CRHR1: variants seen among roughly 807,000 people sequenced by gnomAD.
CRHR1 encodes the protein corticotropin-releasing hormone receptor 1.
CRHR1 carries 28 observed loss-of-function variants against 56.0 expected under a neutral mutation model. That is an observed-to-expected ratio of 0.50 (90% CI 0.37 to 0.69). The LOEUF is 0.69. Ranked by LOEUF, CRHR1 falls within the 30% of genes least tolerant of loss-of-function variation. CRHR1 has a pLI of 0.00. For missense variants in CRHR1, 376 were observed against 548.0 expected (o/e 0.69, Z 3.13); for synonymous variants, 195 against 216.5 (o/e 0.90, Z 0.87).
intron 3 of CRHR1, among the ~76,000 whole-genome samples, chr17:45,820,113 C>T (rs1448490777): frequency 2.0e-5 from 3 of 152,096 alleles, no homozygotes; most frequent in Non-Finnish European, 2.9e-5. Context: ...ACTGGGACTC[C>T]AGCAGCTTTC....
intron 2 of CRHR1, among the ~76,000 whole-genome samples, chr17:45,807,857 G>T (rs2146310483): frequency 6.6e-6 from 1 of 152,344 alleles, no homozygotes; most frequent in Non-Finnish European, 1.5e-5. Context: ...ACTGAGGCAT[G>T]GGAGAGTTAC....
chr17:45,803,743 TGAGA>T (rs899112664), intron 1 of CRHR1, among the ~76,000 whole-genome samples: 2 of 141,652 alleles, frequency 1.4e-5, no homozygotes, highest in African/African-American at 5.3e-5. Flanking sequence ...AGCCCTAGTT[TGAGA>T]GAGAGAGTGC....
At position 45,835,664 on chromosome 17, in the gene CRHR1, G is replaced by T. The variant is rs16940686; in HGVS notation, c.*900G>T. ...CTGCCCAAGTGGCTCTTGGGACAAC[G>T]TGCTGCTTACACTCCAGGTGTGGAC... On this transcript the variant is annotated 3_prime_UTR_variant, in exon 13 of 13. Transcript: ENST00000314537. 4,719 of 152,396 alleles carry T rather than the reference G, an allele frequency of 0.031. 82 individuals are homozygous for T. The highest frequency in any genetic ancestry group is 0.064 in the East Asian group (333 of 5,186). The allele number at this position is 152,396 out of a possible 1,614,324, so 9.4% of individuals were successfully genotyped here. A position where few individuals can be genotyped will look rare whatever the true frequency, so the allele number is the denominator to read the frequency against.
chr17:45,793,704 G>T (rs939111266), intron 1 of CRHR1, among the ~76,000 whole-genome samples: 3 of 152,180 alleles, frequency 2.0e-5, no homozygotes, highest in African/African-American at 7.2e-5. Flanking sequence ...AGGGCAGGGG[G>T]GCCTAGGAGT....
intron 6 of CRHR1, 33 bp from the exon 7 acceptor site, chr17:45,830,384 C>T (rs1447488939): frequency 6.3e-7 from 1 of 1,590,774 alleles, no homozygotes; most frequent in African/African-American, 1.3e-5. Context: ...CCCTGCCCCC[C>T]ATCATCATCT....
intron 9 of CRHR1, 84 bp downstream of exon 9, chr17:45,833,294 C>G: frequency 6.6e-7 from 1 of 1,505,328 alleles, no homozygotes; most frequent in Non-Finnish European, 9.2e-7. Context: ...GACTCCTCTA[C>G]CTAGAGGTGG....
chr17:45,815,168 G>T lies in CRHR1; in HGVS notation c.122-1295G>T, dbSNP rs185400877. ...GCTGCCCCCACACGCGCTGGTTCAT[G>T]GTTCCTGGCCCTCCGTGGCTTGTCT... On this transcript the variant is annotated intron_variant, in intron 2 of 12. Coordinates refer to ENST00000314537, the MANE Select transcript of CRHR1 (RefSeq NM_004382.5). Among the ~76,000 whole-genome samples the T allele has an allele frequency of 4.3e-3, 657 of 152,360 alleles. 7 individuals carry two copies. Among genetic ancestry groups the T allele is most frequent in the Admixed American group, 7.6e-3 (117 of 15,308 alleles).
At chr17:45,827,435 G>C (rs2062189286) in intron 4 of CRHR1, among the ~76,000 whole-genome samples, 1 of 152,196 alleles carries the variant, frequency 6.6e-6, no homozygotes, top group Admixed American at 6.5e-5. Context: ...TTTAATAAAA[G>C]GATATTAAAT....
intron 10 of CRHR1, 31 bp from the exon 11 acceptor site, chr17:45,833,683 A>C: frequency 6.3e-7 from 1 of 1,599,318 alleles, no homozygotes; most frequent in Non-Finnish European, 8.5e-7. Context: ...GTGGGCTGTG[A>C]CTCCGAGCCT....
intron 3 of CRHR1, among the ~76,000 whole-genome samples, chr17:45,819,461 G>A (rs908429511): frequency 3.7e-5 from 2 of 53,770 alleles, no homozygotes; most frequent in African/African-American, 1.5e-4. Context: ...CACCACCCCC[G>A]GGCCCCTTCC....
chr17:45,834,952 G>A lies in CRHR1; in HGVS notation c.*188G>A. On this transcript the variant is annotated 3_prime_UTR_variant, in exon 13 of 13. Transcript: ENST00000314537. ...CGTGCAGGACTCTAGCTCATGAGTG[G>A]AAAGTCACCTACAGGACTGGGCCGG... 1.3e-6 allele frequency: 1 copy of A among 755,624 alleles called. No homozygotes were observed. Among genetic ancestry groups the A allele is most frequent in the South Asian group, 1.9e-5 (1 of 52,076 alleles). 46.8% of individuals were successfully genotyped at this position (755,624 alleles called of 1,614,324 possible). A position where few individuals can be genotyped will look rare whatever the true frequency, so the allele number is the denominator to read the frequency against.
chr17:45,801,976 C>T (rs967607565), intron 1 of CRHR1, among the ~76,000 whole-genome samples: 2 of 152,014 alleles, frequency 1.3e-5, no homozygotes, highest in Non-Finnish European at 2.9e-5. Flanking sequence ...AATCTTCACA[C>T]TGCCCGCTCC....
intron 3 of CRHR1, among the ~76,000 whole-genome samples, chr17:45,819,053 C>G (rs551477022): frequency 3.4e-4 from 51 of 152,236 alleles, no homozygotes; most frequent in African/African-American, 1.2e-3. Context: ...CCCCACATGT[C>G]AAGGGGGGCA....
chr17:45,802,923 C>T (rs1275522037), intron 1 of CRHR1, among the ~76,000 whole-genome samples: 1 of 152,184 alleles, frequency 6.6e-6, no homozygotes, highest in African/African-American at 2.4e-5. Flanking sequence ...GTCCTAAGTG[C>T]TTTGTGCCGA....
At chr17:45,809,692 G>A (rs1255731501) in intron 2 of CRHR1, among the ~76,000 whole-genome samples, 1 of 152,242 alleles carries the variant, frequency 6.6e-6, no homozygotes, top group Non-Finnish European at 1.5e-5. Context: ...TGGGGCGGAG[G>A]GGCGAGACAG....
chr17:45,832,541 C>G (rs1162664740), intron 8 of CRHR1, among the ~76,000 whole-genome samples: 1 of 152,228 alleles, frequency 6.6e-6, no homozygotes, highest in Non-Finnish European at 1.5e-5. Context: ...TTCATACCCA[C>G]GAGGACATAA....
chr17:45,787,548 A>G (rs1042935269), intron 1 of CRHR1, among the ~76,000 whole-genome samples: 2 of 152,178 alleles, frequency 1.3e-5, no homozygotes, highest in African/African-American at 4.8e-5. Flanking sequence ...TAATCTGGCT[A>G]CTGTATAATT....
At position 45,834,814 on chromosome 17, in the gene CRHR1, C is replaced by T. The variant is rs771770659; in HGVS notation, c.*50C>T. ...CAAAGAGCTGTGGCTGGGGGGATGACGGCCAGGCTCCCTGACCACCCTGCC... is the reference window on the plus strand; with the variant it reads ...CAAAGAGCTGTGGCTGGGGGGATGATGGCCAGGCTCCCTGACCACCCTGCC... On this transcript the variant is annotated 3_prime_UTR_variant, in exon 13 of 13. Transcript: ENST00000314537. The T allele has an allele frequency of 1.5e-5, 24 of 1,608,804 alleles. No individual in the cohort carries two copies. Among genetic ancestry groups the T allele is most frequent in the Admixed American group, 6.7e-5 (4 of 59,904 alleles).
chr17:45,811,175 C>G (rs1294827982), intron 2 of CRHR1, among the ~76,000 whole-genome samples: 1 of 152,222 alleles, frequency 6.6e-6, no homozygotes, highest in Non-Finnish European at 1.5e-5. Flanking sequence ...ACACGTGGAC[C>G]CTGAGCCTGA....
Sources: allele counts gnomAD v4.1 joint callset (sites outside exome capture counted in the v4.1 genomes callset), GRCh38; gene constraint gnomAD v4.1.1; transcripts MANE v1.5; gene names NCBI Gene and HGNC (gene_info 2026-07-23, HGNC 2026-07-21).